OGA: variants seen among roughly 807,000 people sequenced by gnomAD.
OGA encodes the protein protein O-GlcNAcase.
Under a neutral mutation model 102.0 loss-of-function variants are expected in OGA, and 21 were observed. That is an observed-to-expected ratio of 0.21 (90% CI 0.15 to 0.30). OGA has a LOEUF of 0.30. Among genes scored for constraint, OGA ranks in the 10% least tolerant of loss-of-function variants. The pLI is 1.00. For synonymous variants in OGA, 408 were observed against 378.2 expected, an observed-to-expected ratio of 1.08 and a Z score of -0.91; for missense variants, 765 against 1,107.8, an observed-to-expected ratio of 0.69 and a Z score of 4.39.
intron 2 of OGA, 24 bp downstream of exon 2, chr10:101,813,531 C>A: frequency 7.0e-7 from 1 of 1,427,648 alleles, no homozygotes. Context: ...GTTCTCCTCT[C>A]TCCTTCATAT....
rs569943607 is a variant in OGA at position 101,815,896 on chromosome 10, G to A, written c.199+1928C>T. Among the ~76,000 whole-genome samples, 37 of 134,596 alleles carry A rather than the reference G, an allele frequency of 2.7e-4. 1 individual carries two copies. The highest frequency in any genetic ancestry group is 1.7e-3 in the South Asian group (7 of 4,242). 88.3% of individuals were successfully genotyped at this position (134,596 alleles called of 152,430 possible). On this transcript the variant is annotated intron_variant, in intron 1 of 15. Coordinates refer to ENST00000361464, the MANE Select transcript of OGA (RefSeq NM_012215.5). The stretch of plus-strand genomic sequence containing the variant: ...AGAAAACAAAAAAGAAATCCTAGCA[G>A]TAACTATAGTATTTCTATGCTCATT...
rs1308092785 is a variant in OGA, at chr10:101,807,160, A to C, written c.652+570T>G. On this transcript the variant is annotated intron_variant, in intron 5 of 15. Coordinates refer to ENST00000361464, the MANE Select transcript of OGA (RefSeq NM_012215.5). ...ACACACAAAGAAAGTTAAATAATTTAATCTAAAATTCTTCCTGAACAAGGA... is the reference window on the plus strand; with the variant it reads ...ACACACAAAGAAAGTTAAATAATTTCATCTAAAATTCTTCCTGAACAAGGA... 3.3e-5 allele frequency among the ~76,000 whole-genome samples: 5 copies of C among 152,204 alleles called. No homozygotes were observed. In the East Asian group the frequency reaches 9.6e-4, roughly 29 times the overall value.
intron 14 of OGA, among the ~76,000 whole-genome samples, chr10:101,789,954 G>A (rs1024859244): frequency 6.6e-6 from 1 of 152,216 alleles, no homozygotes; most frequent in Non-Finnish European, 1.5e-5. Flanking sequence ...ATTCCTGGGT[G>A]ACAAGGTGAG....
At position 101,818,388 on chromosome 10, in the gene OGA, C is replaced by T. The variant is rs2065671546; in HGVS notation, c.-366G>A. The T allele has an allele frequency of 1.9e-6, 2 of 1,038,670 alleles. No homozygotes were observed. The highest frequency in any genetic ancestry group is 2.3e-6 in the Non-Finnish European group (2 of 863,482). 64.3% of individuals were successfully genotyped at this position (1,038,670 alleles called of 1,614,324 possible). A position where few individuals can be genotyped will look rare whatever the true frequency, so the allele number is the denominator to read the frequency against. On this transcript the variant is annotated 5_prime_UTR_variant, in exon 1 of 16. Transcript: ENST00000361464. ...CTTAGGTCTTCCGCTGTTTCCCCTCCAAGCCCCGAGCTCTCCCTCTGCTGC... is the reference window on the plus strand; with the variant it reads ...CTTAGGTCTTCCGCTGTTTCCCCTCTAAGCCCCGAGCTCTCCCTCTGCTGC...
chr10:101,806,191 G>T, intron 5 of OGA, 48 bp from the exon 6 acceptor site: 2 of 1,198,522 alleles, frequency 1.7e-6, no homozygotes, highest in Non-Finnish European at 2.5e-6. Context: ...AATGCTCATG[G>T]GTTTTCTCTT....
intron 9 of OGA, among the ~76,000 whole-genome samples, chr10:101,798,446 C>A (rs573505135): frequency 6.9e-6 from 1 of 145,902 alleles, no homozygotes; most frequent in Non-Finnish European, 1.5e-5. Context: ...GTTTCCCTCT[C>A]GTCACCCAGG....
chr10:101,804,293 GAC>G (rs1404309380), intron 6 of OGA, among the ~76,000 whole-genome samples: 1 of 130,196 alleles, frequency 7.7e-6, no homozygotes, highest in Non-Finnish European at 1.6e-5. Flanking sequence ...TTTTTTTTGA[GAC>G]AGAGTCTCGC....
intron 7 of OGA, among the ~76,000 whole-genome samples, chr10:101,800,613 G>T (rs2065376526): frequency 6.6e-6 from 1 of 152,108 alleles, no homozygotes; most frequent in Non-Finnish European, 1.5e-5. Context: ...AATGTTAAAT[G>T]TAAAATCTCA....
At chr10:101,809,464 C>T (rs2065521052) in intron 4 of OGA, among the ~76,000 whole-genome samples, 1 of 152,110 alleles carries the variant, frequency 6.6e-6, no homozygotes, top group African/African-American at 2.4e-5. Flanking sequence ...GACTGTAATC[C>T]CGGCACTCTG....
At chr10:101,792,761 T>C (rs2065273914) in intron 12 of OGA, 78 bp downstream of exon 12, 1 of 1,012,926 alleles carries the variant, frequency 9.9e-7, no homozygotes, top group African/African-American at 1.6e-5. Context: ...AGGATTCCTT[T>C]AACCAGTGAG....
Position 101,784,460 on chromosome 10 carries a change from G to C in OGA, c.*1991C>G, listed in dbSNP as rs2065173242. ...ACAACACGACAAGCATTCACTTCAA[G>C]TTTTATTTTGCCTCTTGCATGGTCT... On this transcript the variant is annotated 3_prime_UTR_variant, in exon 16 of 16. Transcript: ENST00000361464. 1 of 152,804 alleles carries C rather than the reference G, an allele frequency of 6.5e-6. No homozygotes were observed. The highest frequency in any genetic ancestry group is 2.1e-4 in the South Asian group (1 of 4,832). The allele number at this position is 152,804 out of a possible 1,614,324, so 9.5% of individuals were successfully genotyped here.
rs2135054202 is a variant in OGA at position 101,799,401 on chromosome 10, A to G, written c.1250T>C (p.Leu417Ser). The G allele has an allele frequency of 6.2e-7, 1 of 1,614,072 alleles. No homozygotes were observed. Among genetic ancestry groups the G allele is most frequent in the East Asian group, 2.2e-5 (1 of 44,884 alleles). ...GGCATTTAAAGAGGGTGCTGCAACT[A>G]AAGGAGTCCCATCAACTACACTTGC... ...AKASVVDGTPLVAAPSLNATT... is the reference protein window; with the variant it reads ...AKASVVDGTPSVAAPSLNATT... Residue 417 changes from leucine to serine, a missense_variant, in exon 9 of 16, where the codon TTA becomes TCA. Physicochemically the swap from Leu to Ser is moderately radical, Grantham distance 145. Transcript: ENST00000361464.
Position 101,818,333 on chromosome 10 carries a change from G to C in OGA, c.-311C>G. Reference sequence around the variant, plus strand: ...GAAGACGGCCAAGGGTCCTGTCCTCGTTCTCTGCCTCTGCTGCCCTCCCGA... The same window carrying C: ...GAAGACGGCCAAGGGTCCTGTCCTCCTTCTCTGCCTCTGCTGCCCTCCCGA... On this transcript the variant is annotated 5_prime_UTR_variant, in exon 1 of 16. Coordinates refer to ENST00000361464, the MANE Select transcript of OGA (RefSeq NM_012215.5). 4 of 1,155,004 alleles carry C rather than the reference G, an allele frequency of 3.5e-6. No homozygotes were observed. The highest frequency in any genetic ancestry group is 4.3e-6 in the Non-Finnish European group (4 of 935,494). The allele number at this position is 1,155,004 out of a possible 1,614,324, so 71.5% of individuals were successfully genotyped here.
chr10:101,812,647 GTTGA>G (rs1213268432), intron 3 of OGA, among the ~76,000 whole-genome samples: 3 of 152,188 alleles, frequency 2.0e-5, no homozygotes, highest in African/African-American at 7.2e-5. Flanking sequence ...TATTATTTAT[GTTGA>G]TTACTTTTTG....
In OGA at chr10:101,818,121, G is replaced by A; in HGVS notation, c.-99C>T. 1.1e-5 allele frequency: 15 copies of A among 1,402,012 alleles called. No homozygotes were observed. The Admixed American group carries it at 1.6e-4, about 15-fold the overall frequency. 86.8% of individuals were successfully genotyped at this position (1,402,012 alleles called of 1,614,324 possible). ...CCTGGAGAGGGCTTCAGCTCCAAGT[G>A]TGCGCCCCTCCGGCTCCTTCCCCTC... On this transcript the variant is annotated 5_prime_UTR_variant, in exon 1 of 16. Transcript: ENST00000361464.
At position 101,798,084 on chromosome 10, in the gene OGA, C is replaced by A; in HGVS notation, c.1880G>T (p.Arg627Leu). ...TGTCCTGTTGGCACAATTGGAGAGCCGAGTGAACATTCCCATCACTAGTCC... is the reference window on the plus strand; with the variant it reads ...TGTCCTGTTGGCACAATTGGAGAGCAGAGTGAACATTCCCATCACTAGTCC... ...MCGLVMGMFTRLSNCANRTIL... is the reference protein window; with the variant it reads ...MCGLVMGMFTLLSNCANRTIL... The change falls in exon 10 of 16, where the codon CGG becomes CTG. Residue 627 changes from arginine to leucine, a missense_variant. By Grantham distance (102) the Arg-to-Leu change is moderately radical. Transcript: ENST00000361464. 1 of 1,613,998 alleles carries A rather than the reference C, an allele frequency of 6.2e-7. No homozygotes were observed.
At position 101,791,029 on chromosome 10, in the gene OGA, T is replaced by C. The variant is rs1313076069; in HGVS notation, c.2321A>G (p.Asp774Gly). The change falls in exon 14 of 16, where the codon GAT becomes GGT. Residue 774 changes from aspartate (D) to glycine (G), a missense_variant. Asp to Gly is a moderately conservative substitution (Grantham distance 94). Coordinates refer to ENST00000361464, the MANE Select transcript of OGA (RefSeq NM_012215.5). Reference protein sequence around the residue: ...LDYCFVLEDEDGICGYALGTV... With the variant: ...LDYCFVLEDEGGICGYALGTV... ...GCCCAAGGCATAACCACATATGCCA[T>C]CTTCATCTTCTAGGACAAAGCAGTA... The C allele has an allele frequency of 2.5e-6, 4 of 1,613,902 alleles. No homozygotes were observed. The highest frequency in any genetic ancestry group is 3.4e-6 in the Non-Finnish European group (4 of 1,179,950).
intron 14 of OGA, among the ~76,000 whole-genome samples, chr10:101,788,916 T>TA (rs1215141224): frequency 3.9e-5 from 6 of 152,248 alleles, no homozygotes; most frequent in Admixed American, 1.3e-4. Flanking sequence ...AACTCTGTTT[T>TA]AACTCTGCAA....
chr10:101,808,212 C>T (rs1014139239), intron 4 of OGA, among the ~76,000 whole-genome samples: 2 of 152,080 alleles, frequency 1.3e-5, no homozygotes, highest in African/African-American at 4.8e-5. Flanking sequence ...GCATCCCTAA[C>T]CTGAAAATCC....
Sources: gnomAD v4.1 joint callset for allele counts (sites outside exome capture counted in the v4.1 genomes callset) on GRCh38, gnomAD v4.1.1 for gene constraint, MANE v1.5 for transcripts, NCBI Gene and HGNC (gene_info 2026-07-23, HGNC 2026-07-21) for gene names.